The following SLC43A2 variants were observed in gnomAD, a reference collection of about 807,000 sequenced individuals.
The protein encoded by SLC43A2 is solute carrier family 43 member 2.
Under a neutral mutation model 63.2 loss-of-function variants are expected in SLC43A2, and 38 were observed. That is an observed-to-expected ratio of 0.60 (90% confidence interval 0.46 to 0.79). The LOEUF is 0.79. Ranked by LOEUF, SLC43A2 falls within the 30% of genes least tolerant of loss-of-function variation. The pLI, the probability that SLC43A2 is intolerant of heterozygous loss-of-function variation, is 0.00. For missense variants in SLC43A2, 644 were observed against 756.2 expected (o/e 0.85, Z 1.74); for synonymous variants, 322 against 331.0 (o/e 0.97, Z 0.30).
intron 5 of SLC43A2, chr17:1,604,773 G>A: frequency 6.5e-7 from 1 of 1,535,766 alleles, no homozygotes; most frequent in Non-Finnish European, 8.7e-7. Context: ...CCTCCCCATG[G>A]TCCAGCGCCA....
intron 9 of SLC43A2, chr17:1,586,894 G>T: frequency 6.6e-7 from 1 of 1,525,702 alleles, no homozygotes; most frequent in Non-Finnish European, 8.8e-7. Context: ...AACAGAGACT[G>T]GCTGGGAGGG....
Position 1,605,253 on chromosome 17 carries a change from G to C in SLC43A2, c.501+7942C>G. 1 of 1,079,440 alleles carries C rather than the reference G, an allele frequency of 9.3e-7. No individual in the cohort carries two copies. Among genetic ancestry groups the C allele is most frequent in the South Asian group, 2.6e-5 (1 of 38,288 alleles). 66.9% of individuals were successfully genotyped at this position (1,079,440 alleles called of 1,614,324 possible). On this transcript the variant is annotated intron_variant, in intron 5 of 13. Transcript: ENST00000301335. This position sits in a 1 kb window ranked among gnomAD's most constrained non-coding sequence, Gnocchi z 4.9. ...GTGACTCTCTCTCTTTCAGCCCCCT[G>C]GCTGCAGCATAAACAGGCCGGACTG...
chr17:1,603,134 A>G (rs923549784), intron 5 of SLC43A2: 1 of 152,154 alleles, frequency 6.6e-6, no homozygotes, highest in Non-Finnish European at 1.5e-5. Flanking sequence ...ACTTCATAAC[A>G]GGGAAAATCT....
chr17:1,606,113 C>T lies in SLC43A2; in HGVS notation c.501+7082G>A, dbSNP rs1035403604. Among the ~76,000 whole-genome samples, 7 of 152,144 alleles carry T rather than the reference C, an allele frequency of 4.6e-5. No individual in the cohort carries two copies. Among genetic ancestry groups the T allele is most frequent in the East Asian group, 1.9e-4 (1 of 5,184 alleles). ...GCAGGCACTGGGCACTGGCAAGTCCCGCTCACCAGGCACCTAGACCCTCCA... is the reference window on the plus strand; with the variant it reads ...GCAGGCACTGGGCACTGGCAAGTCCTGCTCACCAGGCACCTAGACCCTCCA... On this transcript the variant is annotated intron_variant, in intron 5 of 13. Transcript: ENST00000301335. This position sits in a 1 kb window ranked among gnomAD's most constrained non-coding sequence, Gnocchi z 4.7.
At chr17:1,588,236 A>C (rs1904395091) in intron 9 of SLC43A2, among the ~76,000 whole-genome samples, 1 of 151,878 alleles carries the variant, frequency 6.6e-6, no homozygotes, top group African/African-American at 2.4e-5. Context: ...AAATACAAAA[A>C]TTAGCTGGGC....
At chr17:1,608,400 GT>G (rs34454811) in intron 5 of SLC43A2, among the ~76,000 whole-genome samples, 16 of 146,992 alleles carry the variant, frequency 1.1e-4, no homozygotes, top group East Asian at 2.0e-4. Flanking sequence ...TGTGTGTTTT[GT>G]TTTTTTTTTT....
intron 5 of SLC43A2, among the ~76,000 whole-genome samples, chr17:1,595,727 C>T (rs902996578): frequency 1.3e-5 from 2 of 151,924 alleles, no homozygotes; most frequent in African/African-American, 4.8e-5. Flanking sequence ...TTACAGGCAT[C>T]AGCCATCACG....
chr17:1,614,487 C>T (rs1907413326), intron 4 of SLC43A2, among the ~76,000 whole-genome samples: 1 of 152,222 alleles, frequency 6.6e-6, no homozygotes, highest in South Asian at 2.1e-4. Flanking sequence ...ACCAAAAATA[C>T]AGGTTCCTGA....
In SLC43A2 at chr17:1,591,436, T is replaced by A; in HGVS notation, c.764A>T (p.His255Leu). 6.2e-7 allele frequency: 1 copy of A among 1,613,192 alleles called. No homozygotes were observed. Among genetic ancestry groups the A allele is most frequent in the Non-Finnish European group, 8.5e-7 (1 of 1,179,908 alleles). The change falls in exon 8 of 14, where the codon CAC (histidine) becomes CTC (leucine). Residue 255 changes from histidine to leucine, a missense_variant. Coordinates refer to ENST00000301335, the MANE Select transcript of SLC43A2 (RefSeq NM_152346.3). ...KIKFSWLGFD[H>L]KITGKQFYKQ... ...GTAGAACTGCTTCCCTGTGATCTTG[T>A]GGTCAAAGCCCAGCCAGCTGAACTT...
chr17:1,574,779 C>CCCACGTCCCCACCCCGGCCTGGACCT lies in SLC43A2; in HGVS notation c.*799_*824dup, dbSNP rs1667569237. 1 of 152,484 alleles carries CCCACGTCCCCACCCCGGCCTGGACCT rather than the reference C, an allele frequency of 6.6e-6. No homozygotes were observed. The highest frequency in any genetic ancestry group is 6.5e-5 in the Admixed American group (1 of 15,292). 9.4% of individuals were successfully genotyped at this position (152,484 alleles called of 1,614,324 possible). On this transcript the variant is annotated 3_prime_UTR_variant, in exon 14 of 14. Coordinates refer to ENST00000301335, the MANE Select transcript of SLC43A2 (RefSeq NM_152346.3). ...CGACCCCACACACACCTCGGACCCACCCACGTCCCCACCCCGGCCTGGACC... is the reference window on the plus strand; with the variant it reads ...CGACCCCACACACACCTCGGACCCACCCACGTCCCCACCCCGGCCTGGACCTCCACGTCCCCACCCCGGCCTGGACC...
chr17:1,629,091 C>T (rs1362716494), upstream of SLC43A2, among the ~76,000 whole-genome samples: 1 of 152,178 alleles, frequency 6.6e-6, no homozygotes, highest in Non-Finnish European at 1.5e-5. Flanking sequence ...GGCCGGGAAT[C>T]CCCGGCGACA....
chr17:1,627,092 C>T (rs1051288127), intron 2 of SLC43A2, among the ~76,000 whole-genome samples: 2 of 152,220 alleles, frequency 1.3e-5, no homozygotes, highest in Admixed American at 6.5e-5. Flanking sequence ...ACGTTCCTTT[C>T]TTCTCTTCCC....
chr17:1,600,525 A>G (rs947225833), intron 5 of SLC43A2, among the ~76,000 whole-genome samples: 5 of 146,124 alleles, frequency 3.4e-5, no homozygotes, highest in African/African-American at 7.6e-5. Context: ...TCTAAATCTC[A>G]TAAGAGATTT....
chr17:1,575,871 A>C, intron 13 of SLC43A2, 106 bp from the exon 14 acceptor site: 2 of 1,320,232 alleles, frequency 1.5e-6, no homozygotes, highest in Non-Finnish European at 2.0e-6. Context: ...ACGGGGTGGA[A>C]GGGGGAACGA....
intron 11 of SLC43A2, among the ~76,000 whole-genome samples, chr17:1,581,225 C>CACACACACACAT (rs1194865812): frequency 2.6e-5 from 4 of 152,024 alleles, no homozygotes; most frequent in African/African-American, 9.7e-5. Flanking sequence ...CACACACGCA[C>CACACACACACAT]GCTGTGCAGG....
At chr17:1,608,400 GTT>G (rs34454811) in intron 5 of SLC43A2, among the ~76,000 whole-genome samples, 6 of 146,942 alleles carry the variant, frequency 4.1e-5, no homozygotes, top group African/African-American at 1.5e-4. Flanking sequence ...TGTGTGTTTT[GTT>G]TTTTTTTTTA....
chr17:1,623,666 ACCC>A (rs1908371723), intron 2 of SLC43A2, among the ~76,000 whole-genome samples: 1 of 129,548 alleles, frequency 7.7e-6, no homozygotes, highest in Non-Finnish European at 1.6e-5. Flanking sequence ...TCCAGGGCGT[ACCC>A]TCCTCTCCTC....
intron 4 of SLC43A2, among the ~76,000 whole-genome samples, chr17:1,613,645 C>T (rs907260230): frequency 1.3e-5 from 2 of 152,110 alleles, no homozygotes; most frequent in African/African-American, 4.8e-5. Context: ...CCATGTTGGC[C>T]AGGCTGGTCT....
Position 1,578,307 on chromosome 17 carries a change from A to G in SLC43A2, c.1367T>C (p.Leu456Pro), listed in dbSNP as rs778987981. 6.2e-7 allele frequency: 1 copy of G among 1,613,830 alleles called. No homozygotes were observed. ...GATGAATCCTCGCACGATTGTGTGC[A>G]GGATGAAGGAGAGGATCTGGGGGAG... ...NLPLQILSFILHTIVRGFIHS... is the reference protein window; with the variant it reads ...NLPLQILSFIPHTIVRGFIHS... Residue 456 changes from leucine (L) to proline (P), a missense_variant, in exon 12 of 14, where the codon CTG becomes CCG. By Grantham distance (98) the Leu-to-Pro change is moderately conservative. This residue lies in a region of SLC43A2 where 528 missense variants were observed against 623.6 expected (regional missense o/e 0.85). Transcript: ENST00000301335. This position sits in a 1 kb window ranked among gnomAD's most constrained non-coding sequence, Gnocchi z 6.5.
Sources: allele counts gnomAD v4.1 joint callset (sites outside exome capture counted in the v4.1 genomes callset), GRCh38; gene constraint gnomAD v4.1.1; regional missense constraint gnomAD v4.1.1; non-coding constraint Gnocchi (gnomAD v3.1); transcripts MANE v1.5; gene names NCBI Gene and HGNC (gene_info 2026-07-23, HGNC 2026-07-21).